Variants in CFTR observed in about 807,000 individuals in gnomAD.
CFTR encodes cystic fibrosis transmembrane conductance regulator.
Under a neutral mutation model 171.6 loss-of-function variants are expected in CFTR, and 181 were observed. The observed-to-expected ratio is 1.05, with a 90% confidence interval of 0.93 to 1.19. The LOEUF is 1.19. Ranked by LOEUF, CFTR falls within the 50% of genes most tolerant of loss-of-function variation. The pLI, the probability that CFTR is intolerant of heterozygous loss-of-function variation, is 0.00. For synonymous variants in CFTR, 583 were observed against 608.0 expected (o/e 0.96, Z 0.60); for missense variants, 1,968 against 1,734.7 (o/e 1.13, Z -2.39).
intron 3 of CFTR, among the ~76,000 whole-genome samples, chr7:117,522,672 G>A (rs34870970): frequency 0.015 from 2,245 of 152,172 alleles, 57 homozygotes; most frequent in African/African-American, 0.051. Context: ...AAATCAGGAC[G>A]CTTCTTGTGT....
intron 11 of CFTR, among the ~76,000 whole-genome samples, chr7:117,576,732 G>C (rs1791776017): frequency 6.6e-6 from 1 of 152,120 alleles, no homozygotes; most frequent in African/African-American, 2.4e-5. Flanking sequence ...GGCAGAGGAA[G>C]ATACAACAGA....
At chr7:117,545,800 T>G (rs1799136326) in intron 9 of CFTR, among the ~76,000 whole-genome samples, 1 of 146,418 alleles carries the variant, frequency 6.8e-6, no homozygotes, top group African/African-American at 2.5e-5. Context: ...CATCACTTAT[T>G]TTTTTTTTTA....
At chr7:117,664,887 A>G (rs757545424) in intron 25 of CFTR, 27 bp downstream of exon 25, 1 of 1,609,610 alleles carries the variant, frequency 6.2e-7, no homozygotes, top group Non-Finnish European at 8.5e-7. Flanking sequence ...CTGTTACTTA[A>G]TAGCACAGTG....
intron 11 of CFTR, among the ~76,000 whole-genome samples, chr7:117,563,998 G>A: frequency 6.6e-6 from 1 of 152,134 alleles, no homozygotes; most frequent in East Asian, 1.9e-4. Flanking sequence ...AAGTAACTTA[G>A]TATATGCTGT....
intron 26 of CFTR, among the ~76,000 whole-genome samples, chr7:117,666,704 C>T (rs775269195): frequency 2.6e-5 from 4 of 152,168 alleles, no homozygotes; most frequent in Non-Finnish European, 5.9e-5. Flanking sequence ...AGTAGAAAAT[C>T]ACAACTAATT....
intron 21 of CFTR, among the ~76,000 whole-genome samples, chr7:117,623,822 T>A (rs1792614551): frequency 6.6e-6 from 1 of 152,174 alleles, no homozygotes; most frequent in African/African-American, 2.4e-5. Flanking sequence ...GAGGGATGTT[T>A]TGAACTGTCC....
chr7:117,641,406 T>C (rs1174452799), intron 22 of CFTR, among the ~76,000 whole-genome samples: 3 of 152,168 alleles, frequency 2.0e-5, no homozygotes, highest in Non-Finnish European at 2.9e-5. Context: ...TGTAGTGAAT[T>C]AGAAATTTAA....
chr7:117,481,378 T>C (rs969911537), intron 1 of CFTR, among the ~76,000 whole-genome samples: 1 of 152,224 alleles, frequency 6.6e-6, no homozygotes, highest in Non-Finnish European at 1.5e-5. Flanking sequence ...TAGACTTTTT[T>C]TAGCAGAGAA....
intron 20 of CFTR, among the ~76,000 whole-genome samples, chr7:117,612,041 A>ATATATG (rs1562915136): frequency 6.7e-5 from 5 of 74,076 alleles, no homozygotes; most frequent in African/African-American, 2.4e-4. Context: ...ATATATATAT[A>ATATATG]TATATATATA....
At chr7:117,662,053 TGTTAGG>T (rs1184569128) in intron 24 of CFTR, among the ~76,000 whole-genome samples, 12 of 150,338 alleles carry the variant, frequency 8.0e-5, no homozygotes. Context: ...TTTCTATCAG[TGTTAGG>T]GAAATTTTAA....
intron 12 of CFTR, 45 bp from the exon 13 acceptor site, chr7:117,590,308 A>G (rs1792005369): frequency 6.3e-7 from 1 of 1,587,006 alleles, no homozygotes; most frequent in Non-Finnish European, 8.6e-7. Context: ...CTAGATGACC[A>G]GGAAATAGAG....
At chr7:117,662,524 C>T (rs758224532) in intron 24 of CFTR, among the ~76,000 whole-genome samples, 2 of 152,164 alleles carry the variant, frequency 1.3e-5, no homozygotes, top group Non-Finnish European at 1.5e-5. Flanking sequence ...TTTGGTTCTG[C>T]TGGGAATAAG....
intron 22 of CFTR, among the ~76,000 whole-genome samples, chr7:117,640,477 A>G (rs1010052940): frequency 1.3e-5 from 2 of 152,154 alleles, no homozygotes; most frequent in Non-Finnish European, 2.9e-5. Flanking sequence ...ATGGACATTT[A>G]TCTAATCCTC....
intron 22 of CFTR, among the ~76,000 whole-genome samples, chr7:117,632,718 G>A (rs750100138): frequency 1.3e-5 from 2 of 152,160 alleles, no homozygotes; most frequent in Non-Finnish European, 2.9e-5. Context: ...GTGGCAGGAA[G>A]TAGAAAGCAA....
intron 22 of CFTR, among the ~76,000 whole-genome samples, chr7:117,641,618 C>T (rs895194308): frequency 6.6e-6 from 1 of 152,104 alleles, no homozygotes; most frequent in Admixed American, 6.6e-5. Flanking sequence ...CTACCTTGCT[C>T]AAAGCACCCT....
intron 9 of CFTR, among the ~76,000 whole-genome samples, chr7:117,543,342 G>A (rs1461052422): frequency 6.6e-6 from 1 of 152,090 alleles, no homozygotes; most frequent in Admixed American, 6.6e-5. Flanking sequence ...TTTGATTTTA[G>A]GAATTTCAAG....
chr7:117,530,467 AAAT>A (rs1457851816), intron 3 of CFTR, among the ~76,000 whole-genome samples: 1 of 152,166 alleles, frequency 6.6e-6, no homozygotes, highest in African/African-American at 2.4e-5. Flanking sequence ...TGCCATGTGA[AAAT>A]AATAATGCCT....
chr7:117,642,285 G>A (rs1317687775), intron 22 of CFTR, among the ~76,000 whole-genome samples, 153 bp from the exon 23 acceptor site: 3 of 152,198 alleles, frequency 2.0e-5, no homozygotes, highest in Admixed American at 6.5e-5. Flanking sequence ...AGGATTGAAA[G>A]TGTGCAACAA....
intron 23 of CFTR, 110 bp from the exon 24 acceptor site, chr7:117,652,732 C>T: frequency 1.6e-6 from 1 of 629,274 alleles, no homozygotes; most frequent in Non-Finnish European, 2.8e-6. Context: ...ATGGGTGTTT[C>T]TTATTTTAAA....
Sources: allele counts gnomAD v4.1 joint callset (sites outside exome capture counted in the v4.1 genomes callset), GRCh38; gene constraint gnomAD v4.1.1; transcripts MANE v1.5; gene names NCBI Gene and HGNC (gene_info 2026-07-23, HGNC 2026-07-21).